GRIN2A: variants seen among roughly 807,000 people sequenced by gnomAD.
GRIN2A encodes glutamate ionotropic receptor NMDA type subunit 2A, also known as glutamate receptor ionotropic, NMDA 2A.
A neutral mutation model predicts 113.4 loss-of-function variants in GRIN2A; 22 were observed. The ratio of observed to expected loss-of-function variants is 0.19; its 90% CI spans 0.14 to 0.28. The LOEUF is 0.28. Ranked by LOEUF, GRIN2A falls within the 10% of genes least tolerant of loss-of-function variation. The pLI, the probability that GRIN2A is intolerant of heterozygous loss-of-function variation, is 1.00. For missense variants in GRIN2A, 1,502 were observed against 1,887.0 expected, an observed-to-expected ratio of 0.80 and a Z score of 3.78; for synonymous variants, 827 against 738.4, an observed-to-expected ratio of 1.12 and a Z score of -1.94.
intron 3 of GRIN2A, among the ~76,000 whole-genome samples, chr16:9,907,462 C>A (rs2044048751): frequency 6.6e-6 from 1 of 152,010 alleles, no homozygotes; most frequent in South Asian, 2.1e-4. Context: ...GTGACTAGAG[C>A]AGAAAGTGTG....
At chr16:9,966,445 G>C (rs923045035) in intron 2 of GRIN2A, among the ~76,000 whole-genome samples, 2 of 152,182 alleles carry the variant, frequency 1.3e-5, no homozygotes, top group African/African-American at 4.8e-5. Flanking sequence ...CACAGGACAT[G>C]ATCTCATCCT....
intron 2 of GRIN2A, among the ~76,000 whole-genome samples, chr16:10,077,664 C>A (rs1369015395): frequency 1.3e-5 from 2 of 152,188 alleles, no homozygotes; most frequent in African/African-American, 4.8e-5. Context: ...AGTTTGGCCT[C>A]CGGTTACCTT....
At chr16:10,106,011 T>C (rs902662008) in intron 2 of GRIN2A, among the ~76,000 whole-genome samples, 4 of 152,242 alleles carry the variant, frequency 2.6e-5, no homozygotes, top group African/African-American at 7.2e-5. Context: ...TATAGATATA[T>C]GTACAGTATA....
intron 2 of GRIN2A, among the ~76,000 whole-genome samples, chr16:10,117,017 G>A (rs1408306436): frequency 6.6e-6 from 1 of 151,486 alleles, no homozygotes; most frequent in African/African-American, 2.4e-5. Context: ...TATGAGTGGG[G>A]CATCAACAAC....
In GRIN2A at chr16:9,841,028, T is replaced by G. The variant is rs1555494808; in HGVS notation, c.1405A>C (p.Arg469=). The change falls in exon 6 of 13, where the codon AGA becomes CGA. Residue 469 remains arginine (R), a synonymous_variant. Transcript: ENST00000330684. ...AGGTCGTAAGTAAACTTCACAGTTC[T>G]GGAAAGCTTCTTCAGAATATCAATG... ...FCIDILKKLS[R]TVKFTYDLYL... 6.2e-7 allele frequency: 1 copy of G among 1,613,544 alleles called. No individual in the cohort carries two copies. The highest frequency in any genetic ancestry group is 1.3e-5 in the African/African-American group (1 of 74,920).
chr16:9,975,004 T>A (rs1158224941), intron 2 of GRIN2A, among the ~76,000 whole-genome samples: 2 of 152,180 alleles, frequency 1.3e-5, no homozygotes, highest in Non-Finnish European at 2.9e-5. Flanking sequence ...TTGGATATAC[T>A]TCTATCATGA....
At chr16:9,847,351 G>T (rs1461891186) in intron 5 of GRIN2A, among the ~76,000 whole-genome samples, 1 of 152,042 alleles carries the variant, frequency 6.6e-6, no homozygotes, top group Non-Finnish European at 1.5e-5. Context: ...AAGGCCAGGA[G>T]CTTGAGACCA....
At chr16:10,024,132 G>A (rs1405592064) in intron 2 of GRIN2A, among the ~76,000 whole-genome samples, 1 of 152,194 alleles carries the variant, frequency 6.6e-6, no homozygotes, top group East Asian at 1.9e-4. Context: ...TCGAGCCCAT[G>A]AGGCTTCTAT....
intron 2 of GRIN2A, among the ~76,000 whole-genome samples, chr16:10,062,385 AC>A (rs2047564613): frequency 6.6e-6 from 1 of 152,192 alleles, no homozygotes; most frequent in Admixed American, 6.6e-5. Flanking sequence ...CCATGCCCTG[AC>A]CTATGTCACT....
At chr16:9,938,647 C>G in intron 2 of GRIN2A, 96 bp from the exon 3 acceptor site, 1 of 827,876 alleles carries the variant, frequency 1.2e-6, no homozygotes, top group Middle Eastern at 2.6e-4. Flanking sequence ...GTAAATCACA[C>G]ATCAATCATT....
rs1900612053 is a variant in GRIN2A at position 9,762,137 on chromosome 16, TG to T, written c.*1011del. The T allele has an allele frequency of 1.2e-4, 25 of 214,266 alleles. No homozygotes were observed. In the East Asian group the frequency reaches 1.7e-3, roughly 14 times the overall value. 13.3% of individuals were successfully genotyped at this position (214,266 alleles called of 1,614,324 possible). ...GTGCATGTCACCACATTAACAACTC[TG>T]GGAAGAGCGATACACAGCTAATTGG... On this transcript the variant is annotated 3_prime_UTR_variant, in exon 13 of 13. Transcript: ENST00000330684.
chr16:10,137,291 T>A (rs1167820212), intron 2 of GRIN2A, among the ~76,000 whole-genome samples: 4 of 152,102 alleles, frequency 2.6e-5, no homozygotes, highest in Non-Finnish European at 4.4e-5. Flanking sequence ...AGAACAAAAA[T>A]GAGGCTCAGA....
chr16:9,963,083 G>A (rs538153984), intron 2 of GRIN2A, among the ~76,000 whole-genome samples: 86 of 138,578 alleles, frequency 6.2e-4, no homozygotes, highest in African/African-American at 2.2e-3. Flanking sequence ...AGAACACACG[G>A]ACACAGGAAA....
chr16:9,828,928 T>C (rs1419204367), intron 9 of GRIN2A, among the ~76,000 whole-genome samples: 2 of 152,230 alleles, frequency 1.3e-5, no homozygotes, highest in African/African-American at 4.8e-5. Context: ...ATGCTGAGAC[T>C]GATTTGGCTG....
At chr16:9,996,126 G>C (rs2046220365) in intron 2 of GRIN2A, among the ~76,000 whole-genome samples, 1 of 150,810 alleles carries the variant, frequency 6.6e-6, no homozygotes, top group African/African-American at 2.4e-5. Context: ...AGAAACTAAG[G>C]AGAAAGAAGT....
At chr16:10,140,574 T>G (rs1454768035) in intron 2 of GRIN2A, among the ~76,000 whole-genome samples, 1 of 152,212 alleles carries the variant, frequency 6.6e-6, no homozygotes, top group African/African-American at 2.4e-5. Flanking sequence ...CTTCTGGCAC[T>G]TTTGGGGAAC....
chr16:10,096,140 G>T (rs1001050699), intron 2 of GRIN2A, among the ~76,000 whole-genome samples: 1 of 152,142 alleles, frequency 6.6e-6, no homozygotes, highest in African/African-American at 2.4e-5. Flanking sequence ...AGATTCACTG[G>T]GGGTTTAGGG....
At chr16:9,988,480 C>G (rs1369463063) in intron 2 of GRIN2A, among the ~76,000 whole-genome samples, 1 of 152,108 alleles carries the variant, frequency 6.6e-6, no homozygotes, top group Non-Finnish European at 1.5e-5. Context: ...TCCCCCAAGT[C>G]TATATCAAAT....
chr16:9,807,077 T>C (rs1359493943), intron 10 of GRIN2A, among the ~76,000 whole-genome samples: 1 of 151,114 alleles, frequency 6.6e-6, no homozygotes, highest in Non-Finnish European at 1.5e-5. Flanking sequence ...CCTTCCACCA[T>C]GATTGTGAGG....
Sources: allele counts gnomAD v4.1 joint callset (sites outside exome capture counted in the v4.1 genomes callset), GRCh38; gene constraint gnomAD v4.1.1; transcripts MANE v1.5; gene names NCBI Gene and HGNC (gene_info 2026-07-23, HGNC 2026-07-21).